The following RUNX1 variants were observed in gnomAD, a reference collection of about 807,000 sequenced individuals.
The protein encoded by RUNX1 is runt-related transcription factor 1.
Under a neutral mutation model 42.8 loss-of-function variants are expected in RUNX1, and 19 were observed. The observed-to-expected ratio is 0.44, with a 90% confidence interval of 0.31 to 0.65. RUNX1 has a LOEUF of 0.65. RUNX1 is among the 30% of genes least tolerant of loss of function. The pLI is 0.07. For missense variants in RUNX1, 528 were observed against 672.0 expected (o/e 0.79, Z 2.37); for synonymous variants, 271 against 289.4 (o/e 0.94, Z 0.64).
intron 8 of RUNX1, among the ~76,000 whole-genome samples, chr21:34,794,338 C>T (rs1028030830): frequency 2.6e-5 from 4 of 152,082 alleles, no homozygotes; most frequent in African/African-American, 9.7e-5. Flanking sequence ...AACTGCTGAG[C>T]GAATGTCAGG....
rs140040544 is a variant in RUNX1 at position 34,940,660 on chromosome 21, C to A, written c.59-47697G>T. ...GCTACATTGAGTTTTATTCTAGGAG[C>A]AAAAGGCTTGTAAACTCTTCAGAAG... On this transcript the variant is annotated intron_variant, in intron 2 of 8. Coordinates refer to ENST00000675419, the MANE Select transcript of RUNX1 (RefSeq NM_001754.5). Among the ~76,000 whole-genome samples the A allele has an allele frequency of 6.9e-3, 1,045 of 152,296 alleles. 11 individuals are homozygous for A. The highest frequency in any genetic ancestry group is 0.024 in the African/African-American group (998 of 41,566).
chr21:34,900,721 T>C (rs2146484949), intron 2 of RUNX1, among the ~76,000 whole-genome samples: 1 of 152,358 alleles, frequency 6.6e-6, no homozygotes, highest in East Asian at 1.9e-4. Flanking sequence ...AACAGTGCTT[T>C]GGTTTCCTTG....
chr21:34,826,096 A>T (rs2056983243), intron 7 of RUNX1, among the ~76,000 whole-genome samples: 1 of 152,244 alleles, frequency 6.6e-6, no homozygotes, highest in East Asian at 1.9e-4. Context: ...GCCACAGGAA[A>T]CTAATATACT....
At chr21:34,945,446 A>C (rs1212216252) in intron 2 of RUNX1, among the ~76,000 whole-genome samples, 1 of 152,138 alleles carries the variant, frequency 6.6e-6, no homozygotes, top group African/African-American at 2.4e-5. Flanking sequence ...CATACCCCAC[A>C]AAAAGCAGCC....
chr21:34,871,460 GACAA>G (rs2057736645), intron 5 of RUNX1, among the ~76,000 whole-genome samples: 1 of 152,186 alleles, frequency 6.6e-6, no homozygotes, highest in African/African-American at 2.4e-5. Context: ...CAAGGAAACG[GACAA>G]ACAAACAAAG....
At chr21:34,909,588 CAAAAAAA>C (rs10584066) in intron 2 of RUNX1, among the ~76,000 whole-genome samples, 3 of 75,026 alleles carry the variant, frequency 4.0e-5, no homozygotes, top group African/African-American at 1.9e-4. Flanking sequence ...CACTGTTCCT[CAAAAAAA>C]AAAAAAAAAA....
In RUNX1 at chr21:34,892,939, G is replaced by T. The variant is rs2146454296; in HGVS notation, c.83C>A (p.Ser28Tyr). The change falls in exon 3 of 9, where the codon TCT becomes TAT. Residue 28 changes from serine (S) to tyrosine (Y), a missense_variant. By Grantham distance (144) the Ser-to-Tyr change is moderately radical. This residue lies in a region of RUNX1 where 114 missense variants were observed against 115.0 expected (regional missense o/e 0.99). Coordinates refer to ENST00000675419, the MANE Select transcript of RUNX1 (RefSeq NM_001754.5). ...MRECILGMNP[S>Y]RDVHDASTSR... The stretch of plus-strand genomic sequence containing the variant: ...ATTTAACATACCGTGGACGTCTCTA[G>T]AAGGATTCATTCCAAGTATGCATTC... 6.4e-7 allele frequency: 1 copy of T among 1,569,796 alleles called. No homozygotes were observed. Among genetic ancestry groups the T allele is most frequent in the Non-Finnish European group, 8.8e-7 (1 of 1,140,424 alleles).
At position 35,025,291 on chromosome 21, in the gene RUNX1, T is replaced by C. The variant is rs2059227041; in HGVS notation, c.58+23551A>G. 2.6e-5 allele frequency among the ~76,000 whole-genome samples: 4 copies of C among 152,216 alleles called. No homozygotes were observed. In the South Asian group the frequency reaches 6.2e-4, roughly 24 times the overall value. Reference sequence around the variant, plus strand: ...TCCATGAGGACCTCAAGGTAAATAATAGGAATCGATCATTCATCAATCTGG... The same window carrying C: ...TCCATGAGGACCTCAAGGTAAATAACAGGAATCGATCATTCATCAATCTGG... On this transcript the variant is annotated intron_variant, in intron 2 of 8. Transcript: ENST00000675419.
At chr21:34,942,930 T>C (rs1177794086) in intron 2 of RUNX1, among the ~76,000 whole-genome samples, 1 of 152,184 alleles carries the variant, frequency 6.6e-6, no homozygotes, top group African/African-American at 2.4e-5. Flanking sequence ...GATGCACATA[T>C]CAACTGTGAA....
intron 2 of RUNX1, among the ~76,000 whole-genome samples, chr21:34,993,218 A>G (rs559700496): frequency 5.1e-4 from 78 of 152,148 alleles, no homozygotes; most frequent in Non-Finnish European, 8.8e-4. Flanking sequence ...TCCCAATCTA[A>G]TCTATATGCC....
At chr21:34,859,603 A>G in intron 5 of RUNX1, 25 bp from the exon 6 acceptor site, 1 of 1,566,062 alleles carries the variant, frequency 6.4e-7, no homozygotes. Flanking sequence ...TAGAGAACAA[A>G]ACAGAATGAG....
At chr21:34,836,421 C>A (rs1009678946) in intron 6 of RUNX1, among the ~76,000 whole-genome samples, 1 of 152,356 alleles carries the variant, frequency 6.6e-6, no homozygotes, top group East Asian at 1.9e-4. Context: ...GACTCAGTGC[C>A]TCTGGATGAA....
intron 2 of RUNX1, among the ~76,000 whole-genome samples, chr21:34,991,769 T>A (rs1353734585): frequency 6.6e-6 from 1 of 152,168 alleles, no homozygotes; most frequent in Non-Finnish European, 1.5e-5. Context: ...TGACCTTATT[T>A]GGATATAGCG....
chr21:34,853,256 T>TGTGGG (rs1452785489), intron 6 of RUNX1, among the ~76,000 whole-genome samples: 1 of 151,282 alleles, frequency 6.6e-6, no homozygotes, highest in African/African-American at 2.4e-5. Context: ...TCTGGGGAGG[T>TGTGGG]GTGGGAGGGG....
chr21:34,928,195 G>C (rs2058410666), intron 2 of RUNX1, among the ~76,000 whole-genome samples: 1 of 152,144 alleles, frequency 6.6e-6, no homozygotes, highest in Non-Finnish European at 1.5e-5. Context: ...CATGTGGCTA[G>C]TGGCCACCAC....
At chr21:34,829,558 T>C (rs1003944449) in intron 7 of RUNX1, among the ~76,000 whole-genome samples, 17 of 152,248 alleles carry the variant, frequency 1.1e-4, no homozygotes, top group African/African-American at 3.9e-4. Flanking sequence ...CATACCCTAC[T>C]ACACCTTGTT....
At chr21:34,997,001 T>C (rs2059001474) in intron 2 of RUNX1, among the ~76,000 whole-genome samples, 1 of 152,242 alleles carries the variant, frequency 6.6e-6, no homozygotes, top group Non-Finnish European at 1.5e-5. Flanking sequence ...GAACTTATGA[T>C]TCCTTTTAAA....
At chr21:34,912,662 G>A (rs2058281468) in intron 2 of RUNX1, among the ~76,000 whole-genome samples, 1 of 152,200 alleles carries the variant, frequency 6.6e-6, no homozygotes, top group Non-Finnish European at 1.5e-5. Flanking sequence ...TCAGAAGACT[G>A]TTCCCATTGC....
At chr21:35,028,084 T>C (rs1025939523) in intron 2 of RUNX1, among the ~76,000 whole-genome samples, 2 of 152,146 alleles carry the variant, frequency 1.3e-5, no homozygotes, top group African/African-American at 2.4e-5. Flanking sequence ...GCTGTAAAAA[T>C]AGGTTCTGCT....
Sources: gnomAD v4.1 joint callset for allele counts (sites outside exome capture counted in the v4.1 genomes callset) on GRCh38, gnomAD v4.1.1 for gene constraint, gnomAD v4.1.1 regional missense constraint, MANE v1.5 for transcripts, NCBI Gene and HGNC (gene_info 2026-07-23, HGNC 2026-07-21) for gene names.